The following RORA variants were observed in gnomAD, a reference collection of about 807,000 sequenced individuals.
The protein encoded by RORA is RAR related orphan receptor A.
RORA carries 7 observed loss-of-function variants against 69.5 expected under a neutral mutation model. The observed-to-expected ratio is 0.10, with a 90% CI of 0.06 to 0.19. The LOEUF is 0.19. Ranked by LOEUF, RORA falls within the 10% of genes least tolerant of loss-of-function variation. The probability of loss-of-function intolerance (pLI) is 1.00; values close to 1 mark genes in which losing one functional copy is unlikely to be tolerated. For missense variants in RORA, 457 were observed against 663.0 expected (o/e 0.69, Z 3.41); for synonymous variants, 261 against 240.8 (o/e 1.08, Z -0.78).
chr15:60,714,290 C>T (rs1444717963), intron 1 of RORA, among the ~76,000 whole-genome samples: 1 of 151,936 alleles, frequency 6.6e-6, no homozygotes, highest in Non-Finnish European at 1.5e-5. Flanking sequence ...AACTCCTGAC[C>T]CCAGGTGATC....
intron 2 of RORA, among the ~76,000 whole-genome samples, chr15:60,645,203 C>T (rs339978): frequency 0.068 from 10,270 of 150,610 alleles, 871 homozygotes; most frequent in African/African-American, 0.2. Flanking sequence ...GACTGTTGGG[C>T]GAGGAGGATC....
chr15:60,712,138 GT>G (rs2071152928), intron 1 of RORA, among the ~76,000 whole-genome samples: 1 of 152,192 alleles, frequency 6.6e-6, no homozygotes, highest in Non-Finnish European at 1.5e-5. Context: ...CATAGGACAT[GT>G]TGATAATATC....
intron 1 of RORA, among the ~76,000 whole-genome samples, chr15:61,151,969 G>A (rs1379320024): frequency 1.3e-5 from 2 of 152,168 alleles, no homozygotes; most frequent in African/African-American, 4.8e-5. Flanking sequence ...CTCTAGAGTT[G>A]TGGAAAATCG....
intron 2 of RORA, among the ~76,000 whole-genome samples, chr15:60,589,859 C>T (rs1161460093): frequency 6.6e-6 from 1 of 152,040 alleles, no homozygotes; most frequent in African/African-American, 2.4e-5. Flanking sequence ...CATCCACATA[C>T]CAAAAAGCTA....
intron 2 of RORA, among the ~76,000 whole-genome samples, chr15:60,542,438 ACAG>A (rs1373703671): frequency 7.2e-6 from 1 of 138,582 alleles, no homozygotes; most frequent in African/African-American, 3.5e-5. Context: ...TGCACACCTC[ACAG>A]CACAGCACAC....
intron 1 of RORA, among the ~76,000 whole-genome samples, chr15:60,947,029 C>G (rs1335429305): frequency 6.6e-6 from 1 of 150,900 alleles, no homozygotes; most frequent in Non-Finnish European, 1.5e-5. Context: ...GGGGCCAGCC[C>G]CCGCCCGGCC....
chr15:60,541,080 G>A (rs1315674091), intron 2 of RORA, among the ~76,000 whole-genome samples: 4 of 152,092 alleles, frequency 2.6e-5, no homozygotes, highest in South Asian at 2.1e-4. Flanking sequence ...GGAAGGATCC[G>A]GTTTTTATTA....
At chr15:61,194,801 G>T (rs1224925676) in intron 1 of RORA, among the ~76,000 whole-genome samples, 1 of 152,146 alleles carries the variant, frequency 6.6e-6, no homozygotes, top group African/African-American at 2.4e-5. Flanking sequence ...GCCTGGGTTT[G>T]TATTCCAGTC....
At chr15:60,652,196 A>G (rs2070153174) in intron 2 of RORA, among the ~76,000 whole-genome samples, 1 of 151,952 alleles carries the variant, frequency 6.6e-6, no homozygotes, top group Admixed American at 6.6e-5. Flanking sequence ...CTTGATTTAA[A>G]TCCTCGCCCT....
chr15:60,752,855 T>C (rs1166987263), intron 1 of RORA, among the ~76,000 whole-genome samples: 1 of 152,182 alleles, frequency 6.6e-6, no homozygotes, highest in Non-Finnish European at 1.5e-5. Context: ...AAACTGTACC[T>C]TTCAGTGCAG....
chr15:60,808,849 G>A (rs1331454805), intron 1 of RORA, among the ~76,000 whole-genome samples: 3 of 152,072 alleles, frequency 2.0e-5, no homozygotes, highest in South Asian at 2.1e-4. Context: ...TTGCAGCAAC[G>A]TGGAAGGAAT....
intron 2 of RORA, among the ~76,000 whole-genome samples, chr15:60,659,448 G>A (rs2070270484): frequency 6.6e-6 from 1 of 152,098 alleles, no homozygotes; most frequent in East Asian, 1.9e-4. Context: ...GAAAACATGG[G>A]AAAAAATTTA....
At chr15:60,834,111 A>C (rs1290771058) in intron 1 of RORA, among the ~76,000 whole-genome samples, 1 of 152,202 alleles carries the variant, frequency 6.6e-6, no homozygotes, top group Non-Finnish European at 1.5e-5. Flanking sequence ...ATGAGGAAAA[A>C]AGGTAAAAAT....
intron 1 of RORA, among the ~76,000 whole-genome samples, chr15:60,843,250 C>A (rs1319602510): frequency 1.3e-5 from 2 of 152,196 alleles, no homozygotes; most frequent in African/African-American, 4.8e-5. Context: ...GAGACGCTCC[C>A]TGGTCAGTCT....
chr15:60,532,154 A>T (rs2141453663), intron 2 of RORA, among the ~76,000 whole-genome samples: 1 of 152,346 alleles, frequency 6.6e-6, no homozygotes, highest in South Asian at 2.1e-4. Flanking sequence ...TTTAGGCCTC[A>T]GAGCAAAGCA....
chr15:61,073,813 T>C (rs756531719), intron 1 of RORA, among the ~76,000 whole-genome samples: 14 of 152,146 alleles, frequency 9.2e-5, no homozygotes, highest in Non-Finnish European at 2.1e-4. Flanking sequence ...TTTTCTGGAG[T>C]TACTCAATTT....
chr15:61,153,836 A>G (rs2079419551), intron 1 of RORA, among the ~76,000 whole-genome samples: 4 of 152,026 alleles, frequency 2.6e-5, no homozygotes, highest in African/African-American at 9.7e-5. Context: ...AAGGGCACAC[A>G]ATGACATGGA....
intron 1 of RORA, among the ~76,000 whole-genome samples, chr15:60,707,421 T>A (rs2071079279): frequency 6.6e-6 from 1 of 151,912 alleles, no homozygotes; most frequent in African/African-American, 2.4e-5. Context: ...TGGAGTGCAA[T>A]GGCGTGATCT....
chr15:61,163,084 C>T (rs557875044), intron 1 of RORA, among the ~76,000 whole-genome samples: 7 of 152,346 alleles, frequency 4.6e-5, no homozygotes, highest in Admixed American at 2.6e-4. Flanking sequence ...CTTAGTAACA[C>T]ATCATGATTT....
Sources: gnomAD v4.1 joint callset for allele counts (sites outside exome capture counted in the v4.1 genomes callset) on GRCh38, gnomAD v4.1.1 for gene constraint, MANE v1.5 for transcripts, NCBI Gene and HGNC (gene_info 2026-07-23, HGNC 2026-07-21) for gene names.